Variants in PATJ observed in about 807,000 individuals in gnomAD.
The protein encoded by PATJ is inaD-like protein.
A neutral mutation model predicts 224.9 loss-of-function variants in PATJ; 190 were observed. The observed-to-expected ratio is 0.84, with a 90% CI of 0.75 to 0.95. PATJ has a LOEUF of 0.95. PATJ is among the 40% of genes least tolerant of loss of function. The probability of loss-of-function intolerance (pLI) is 0.00; values close to 1 mark genes in which losing one functional copy is unlikely to be tolerated. For synonymous variants in PATJ, 769 were observed against 820.3 expected (o/e 0.94, Z 1.07); for missense variants, 2,121 against 2,270.3 (o/e 0.93, Z 1.34).
chr1:62,020,212 G>A (rs1296273983), intron 29 of PATJ, among the ~76,000 whole-genome samples: 2 of 152,018 alleles, frequency 1.3e-5, no homozygotes, highest in Non-Finnish European at 2.9e-5. Context: ...GATATATGTA[G>A]CACTTAACAG....
At chr1:62,117,450 T>A in intron 37 of PATJ, 8 of 1,360,424 alleles carry the variant, frequency 5.9e-6, no homozygotes, top group Non-Finnish European at 7.6e-6. Flanking sequence ...TGGAAGCTCT[T>A]TTCTCTCTAT....
chr1:61,997,496 G>A (rs1322486242), intron 28 of PATJ, among the ~76,000 whole-genome samples: 1 of 152,162 alleles, frequency 6.6e-6, no homozygotes, highest in African/African-American at 2.4e-5. Flanking sequence ...CAAAAGACTT[G>A]CTCATTAAAA....
intron 21 of PATJ, among the ~76,000 whole-genome samples, chr1:61,879,556 G>C (rs58508468): frequency 6.6e-6 from 1 of 151,830 alleles, no homozygotes; most frequent in South Asian, 2.1e-4. Flanking sequence ...AGAGTTCTCC[G>C]GTATGGTGAG....
At chr1:62,072,867 GAGTT>G (rs1160932828) in intron 31 of PATJ, 3 of 166,074 alleles carry the variant, frequency 1.8e-5, no homozygotes, top group Non-Finnish European at 3.7e-5. Flanking sequence ...TCATTTCTAA[GAGTT>G]AGTCCAGTGG....
intron 27 of PATJ, among the ~76,000 whole-genome samples, chr1:61,986,761 T>C (rs1644781577): frequency 6.6e-6 from 1 of 152,214 alleles, no homozygotes; most frequent in South Asian, 2.1e-4. Flanking sequence ...AAAGAGCCTA[T>C]CTTATTAATG....
intron 27 of PATJ, among the ~76,000 whole-genome samples, chr1:61,976,237 G>A (rs1224508525): frequency 2.0e-5 from 3 of 151,966 alleles, no homozygotes. Flanking sequence ...TTGTGTTGAT[G>A]GGTAAACACA....
At chr1:61,769,551 CT>C (rs776889909) in intron 5 of PATJ, 129 bp downstream of exon 5, 3 of 1,053,664 alleles carry the variant, frequency 2.8e-6, no homozygotes, top group Non-Finnish European at 4.2e-6. Context: ...TTCGTTTTTG[CT>C]ATGCATTTGT....
At chr1:61,943,258 T>C (rs902156751) in intron 27 of PATJ, among the ~76,000 whole-genome samples, 8 of 152,114 alleles carry the variant, frequency 5.3e-5, no homozygotes, top group Non-Finnish European at 1.2e-4. Flanking sequence ...CAGGGGCTTG[T>C]CAGACAGTAG....
intron 20 of PATJ, among the ~76,000 whole-genome samples, chr1:61,868,085 T>G (rs1398497169): frequency 6.6e-6 from 1 of 152,208 alleles, no homozygotes; most frequent in African/African-American, 2.4e-5. Context: ...CATACTTCAC[T>G]TTAGCTGAAG....
chr1:61,796,944 C>T (rs1479668740), intron 10 of PATJ, among the ~76,000 whole-genome samples: 2 of 151,794 alleles, frequency 1.3e-5, no homozygotes, highest in African/African-American at 4.8e-5. Context: ...TTGGCTCACT[C>T]CAACCACTGC....
intron 31 of PATJ, among the ~76,000 whole-genome samples, chr1:62,075,638 G>A (rs1658156524): frequency 6.6e-6 from 1 of 152,124 alleles, no homozygotes; most frequent in African/African-American, 2.4e-5. Context: ...ACTGACAAGG[G>A]CCGGGCGCAG....
intron 4 of PATJ, among the ~76,000 whole-genome samples, chr1:61,767,624 G>T (rs184206535): frequency 9.2e-5 from 14 of 151,820 alleles, no homozygotes; most frequent in African/African-American, 3.1e-4. Context: ...ATAATATTCT[G>T]GTCCTAGTTT....
At chr1:61,935,909 A>G (rs1393793856) in intron 27 of PATJ, among the ~76,000 whole-genome samples, 9 of 152,330 alleles carry the variant, frequency 5.9e-5, no homozygotes, top group Admixed American at 5.2e-4. Context: ...TTTTAAGAAC[A>G]GGATACTAGC....
chr1:62,073,177 G>C, intron 31 of PATJ: 1 of 985,366 alleles, frequency 1.0e-6, no homozygotes. Context: ...GGAGGTGATT[G>C]CAATGAGATC....
intron 10 of PATJ, among the ~76,000 whole-genome samples, chr1:61,796,670 C>CTTTCTTTCTT (rs1431478698): frequency 1.6e-3 from 50 of 31,656 alleles, no homozygotes; most frequent in Middle Eastern, 0.019. Flanking sequence ...TTCTTTCTTT[C>CTTTCTTTCTT]TTTCTTTCTT....
chr1:61,747,210 G>C (rs1645066809), intron 1 of PATJ, among the ~76,000 whole-genome samples: 1 of 147,130 alleles, frequency 6.8e-6, no homozygotes, highest in East Asian at 2.0e-4. Context: ...TTAGGGTTTT[G>C]TGTAGATTTG....
At chr1:61,812,064 A>C (rs528805623) in intron 14 of PATJ, among the ~76,000 whole-genome samples, 63 of 152,120 alleles carry the variant, frequency 4.1e-4, no homozygotes, top group African/African-American at 1.5e-3. Context: ...CCATCTCAAA[A>C]AAAAAACACT....
intron 21 of PATJ, among the ~76,000 whole-genome samples, chr1:61,880,713 C>T (rs573037252): frequency 6.6e-6 from 1 of 152,320 alleles, no homozygotes; most frequent in South Asian, 2.1e-4. Flanking sequence ...CGTGTTTGAG[C>T]TTTCAGTCAT....
chr1:61,927,045 G>C (rs1351958512), intron 26 of PATJ, among the ~76,000 whole-genome samples: 1 of 152,182 alleles, frequency 6.6e-6, no homozygotes, highest in Non-Finnish European at 1.5e-5. Context: ...TTCATTCTGT[G>C]AAGGTAATTT....
Sources: allele counts gnomAD v4.1 joint callset (sites outside exome capture counted in the v4.1 genomes callset), GRCh38; gene constraint gnomAD v4.1.1; transcripts MANE v1.5; gene names NCBI Gene and HGNC (gene_info 2026-07-23, HGNC 2026-07-21).